GRIK4: variants seen among roughly 807,000 people sequenced by gnomAD.
GRIK4 encodes glutamate ionotropic receptor kainate type subunit 4.
Under a neutral mutation model 104.9 loss-of-function variants are expected in GRIK4, and 40 were observed. The ratio of observed to expected loss-of-function variants is 0.38; its 90% CI spans 0.30 to 0.50. The LOEUF is 0.50. GRIK4 is among the 20% of genes least tolerant of loss of function. The pLI is 0.93. For synonymous variants in GRIK4, 485 were observed against 524.9 expected (o/e 0.92, Z 1.04); for missense variants, 1,047 against 1,308.1 (o/e 0.80, Z 3.08).
At chr11:120,685,462 T>C (rs191654253) in intron 3 of GRIK4, among the ~76,000 whole-genome samples, 2 of 152,318 alleles carry the variant, frequency 1.3e-5, no homozygotes, top group African/African-American at 2.4e-5. Flanking sequence ...AGATTCTGAT[T>C]GGTGGGACTA....
At chr11:120,975,545 G>A (rs1944547339) in intron 19 of GRIK4, among the ~76,000 whole-genome samples, 1 of 152,194 alleles carries the variant, frequency 6.6e-6, no homozygotes, top group Non-Finnish European at 1.5e-5. Flanking sequence ...TAAGACTTCA[G>A]CTCACTGTTG....
chr11:120,636,292 C>G (rs142540067), intron 1 of GRIK4, among the ~76,000 whole-genome samples: 223 of 152,348 alleles, frequency 1.5e-3, no homozygotes, highest in Non-Finnish European at 2.5e-3. Context: ...CTTCTGACCC[C>G]TACCCCAGGG....
At chr11:120,569,335 T>G (rs980845119) in intron 1 of GRIK4, among the ~76,000 whole-genome samples, 1 of 152,236 alleles carries the variant, frequency 6.6e-6, no homozygotes, top group Non-Finnish European at 1.5e-5. Flanking sequence ...CTATGACCAA[T>G]GATGATAATA....
chr11:120,792,064 T>G (rs993595492), intron 3 of GRIK4, among the ~76,000 whole-genome samples: 1 of 152,054 alleles, frequency 6.6e-6, no homozygotes, highest in Non-Finnish European at 1.5e-5. Context: ...TGGGCGTACA[T>G]TATAGGATGC....
At chr11:120,858,976 G>A (rs1205481901) in intron 8 of GRIK4, 2 of 152,142 alleles carry the variant, frequency 1.3e-5, no homozygotes, top group Non-Finnish European at 2.9e-5. Context: ...GAATTATCAA[G>A]GAAGCTTCTG....
intron 3 of GRIK4, among the ~76,000 whole-genome samples, chr11:120,699,447 T>TACTG (rs1282075367): frequency 6.6e-6 from 1 of 152,074 alleles, no homozygotes; most frequent in Non-Finnish European, 1.5e-5. Context: ...ACGGACCAGG[T>TACTG]ACTGTTCTAG....
intron 3 of GRIK4, among the ~76,000 whole-genome samples, chr11:120,676,205 C>T (rs11217965): frequency 0.16 from 23,681 of 152,106 alleles, 1,999 homozygotes; most frequent in South Asian, 0.23. Context: ...GAGTCATTCT[C>T]GCCTCACAAG....
chr11:120,843,013 G>C (rs542587532), intron 8 of GRIK4, among the ~76,000 whole-genome samples: 1 of 152,398 alleles, frequency 6.6e-6, no homozygotes, highest in South Asian at 2.1e-4. Context: ...TATTATCAGA[G>C]AGCATAGGTG....
At chr11:120,915,823 C>A (rs541760721) in intron 13 of GRIK4, among the ~76,000 whole-genome samples, 1 of 152,326 alleles carries the variant, frequency 6.6e-6, no homozygotes, top group African/African-American at 2.4e-5. Flanking sequence ...CCTTACATGA[C>A]CCATGAGACA....
intron 3 of GRIK4, among the ~76,000 whole-genome samples, chr11:120,701,372 C>T (rs888661242): frequency 6.6e-6 from 1 of 152,120 alleles, no homozygotes; most frequent in Admixed American, 6.5e-5. Context: ...TGAGATCATG[C>T]AATATTTCTC....
chr11:120,814,286 G>A (rs1952886790), intron 4 of GRIK4, among the ~76,000 whole-genome samples: 1 of 152,202 alleles, frequency 6.6e-6, no homozygotes, highest in African/African-American at 2.4e-5. Context: ...GGGAGCCCAA[G>A]GCAGTGTTAA....
At chr11:120,721,186 G>A (rs990650282) in intron 3 of GRIK4, among the ~76,000 whole-genome samples, 7 of 152,110 alleles carry the variant, frequency 4.6e-5, no homozygotes, top group Non-Finnish European at 1.0e-4. Flanking sequence ...ACGGGGAGTG[G>A]TTCAAGACAG....
intron 11 of GRIK4, among the ~76,000 whole-genome samples, chr11:120,889,588 CATTTT>C (rs1955219136): frequency 7.4e-5 from 5 of 67,144 alleles, no homozygotes; most frequent in South Asian, 6.2e-4. Flanking sequence ...AAAGAGCTTA[CATTTT>C]TTTTTTTTTT....
chr11:120,887,803 A>G (rs1413677438), intron 11 of GRIK4, among the ~76,000 whole-genome samples: 2 of 152,246 alleles, frequency 1.3e-5, no homozygotes, highest in Non-Finnish European at 2.9e-5. Flanking sequence ...GATGAGTGCT[A>G]CAAAGCAGTA....
At chr11:120,633,478 T>G (rs921233016) in intron 1 of GRIK4, among the ~76,000 whole-genome samples, 6 of 152,212 alleles carry the variant, frequency 3.9e-5, no homozygotes, top group African/African-American at 1.4e-4. Flanking sequence ...TTTGAAAGCC[T>G]TTGACTTAGA....
intron 1 of GRIK4, among the ~76,000 whole-genome samples, chr11:120,644,378 A>G (rs140919688): frequency 5.6e-4 from 86 of 152,306 alleles, no homozygotes; most frequent in South Asian, 1.0e-3. Context: ...TGTGCCAGCT[A>G]CTGTGTGAAG....
chr11:120,832,347 C>T (rs1455574595), intron 7 of GRIK4, among the ~76,000 whole-genome samples: 3 of 152,056 alleles, frequency 2.0e-5, no homozygotes, highest in South Asian at 2.1e-4. Context: ...GGGTGGGGCA[C>T]CTAAGGGGCT....
chr11:120,631,535 C>T (rs970530917), intron 1 of GRIK4, among the ~76,000 whole-genome samples: 1 of 152,128 alleles, frequency 6.6e-6, no homozygotes, highest in African/African-American at 2.4e-5. Flanking sequence ...CTGGTAAACT[C>T]AGCAGCGTCC....
intron 13 of GRIK4, among the ~76,000 whole-genome samples, chr11:120,914,155 G>A (rs1336308091): frequency 6.7e-6 from 1 of 149,516 alleles, no homozygotes; most frequent in Non-Finnish European, 1.5e-5. Context: ...CGTGCTGTCT[G>A]ACAAGCACCG....
Sources: gnomAD v4.1 joint callset for allele counts (sites outside exome capture counted in the v4.1 genomes callset) on GRCh38, gnomAD v4.1.1 for gene constraint, MANE v1.5 for transcripts, NCBI Gene and HGNC (gene_info 2026-07-23, HGNC 2026-07-21) for gene names.